Variants in PDZRN4 observed in about 807,000 individuals in gnomAD.
PDZRN4 encodes the protein PDZ domain-containing RING finger protein 4.
PDZRN4 carries 70 observed loss-of-function variants against 99.0 expected under a neutral mutation model. That is an observed-to-expected ratio of 0.71 (90% CI 0.58 to 0.86). PDZRN4 has a LOEUF of 0.86. PDZRN4 is among the 40% of genes least tolerant of loss of function. The pLI is 0.00. For missense variants in PDZRN4, 1,474 were observed against 1,331.2 expected (o/e 1.11, Z -1.67); for synonymous variants, 551 against 501.6 (o/e 1.10, Z -1.32).
At position 41,573,233 on chromosome 12, in the gene PDZRN4, T is replaced by C. The variant is rs1194191621; in HGVS notation, c.2454T>C (p.Asp818=). The part of the protein sequence containing the change: ...EKVLEGSKLP[D]QEKAVSEHIP... ...TTTTAGAAGGCAGCAAGCTTCCTGA[T>C]CAAGAGAAGGCAGTCAGCGAACACA... is the stretch of plus-strand genomic sequence containing the variant. Residue 818 remains aspartate, a synonymous_variant, in exon 10 of 10, where the codon GAT becomes GAC. Transcript: ENST00000402685. 18 of 1,613,972 alleles carry C rather than the reference T, an allele frequency of 1.1e-5. No individual in the cohort carries two copies. Among genetic ancestry groups the C allele is most frequent in the Non-Finnish European group, 1.4e-5 (17 of 1,180,022 alleles).
At chr12:41,440,672 G>C (rs1952671437) in intron 3 of PDZRN4, among the ~76,000 whole-genome samples, 1 of 152,166 alleles carries the variant, frequency 6.6e-6, no homozygotes, top group Non-Finnish European at 1.5e-5. Flanking sequence ...TCAGGCTCCA[G>C]TATGCACACA....
chr12:41,555,423 GA>G (rs1939140438), intron 6 of PDZRN4, among the ~76,000 whole-genome samples: 1 of 151,366 alleles, frequency 6.6e-6, no homozygotes, highest in Admixed American at 6.6e-5. Flanking sequence ...AGAATGAAGG[GA>G]AAAAGGAAAG....
intron 3 of PDZRN4, among the ~76,000 whole-genome samples, chr12:41,295,375 A>G (rs6582303): frequency 0.012 from 1,888 of 152,298 alleles, 39 homozygotes; most frequent in African/African-American, 0.043. Flanking sequence ...CAAAGAAAAT[A>G]TAAATTGATT....
intron 5 of PDZRN4, among the ~76,000 whole-genome samples, chr12:41,513,905 T>C (rs1191823039): frequency 1.3e-5 from 2 of 152,142 alleles, no homozygotes; most frequent in East Asian, 3.9e-4. Context: ...ACACGAAAAA[T>C]TTAGATAGTA....
chr12:41,325,902 T>G (rs1951706370), intron 3 of PDZRN4, among the ~76,000 whole-genome samples: 1 of 152,198 alleles, frequency 6.6e-6, no homozygotes, highest in African/African-American at 2.4e-5. Context: ...CCTTCCAGAA[T>G]AATTCCATTG....
At chr12:41,527,825 G>A (rs1028547006) in intron 5 of PDZRN4, among the ~76,000 whole-genome samples, 2 of 152,182 alleles carry the variant, frequency 1.3e-5, no homozygotes, top group Non-Finnish European at 2.9e-5. Context: ...AGCATTTGCA[G>A]CCTGTTTACC....
intron 3 of PDZRN4, among the ~76,000 whole-genome samples, chr12:41,496,652 T>C (rs1334494500): frequency 6.6e-6 from 1 of 152,098 alleles, no homozygotes; most frequent in Middle Eastern, 3.2e-3. Flanking sequence ...AAAGGAATAA[T>C]GTGGACAACT....
At chr12:41,553,440 G>T (rs1565613394) in intron 6 of PDZRN4, among the ~76,000 whole-genome samples, 2 of 152,082 alleles carry the variant, frequency 1.3e-5, no homozygotes, top group South Asian at 2.1e-4. Context: ...TTAAGGCTGG[G>T]CACAGTGGCT....
At chr12:41,438,779 T>G (rs1310660266) in intron 3 of PDZRN4, among the ~76,000 whole-genome samples, 1 of 152,244 alleles carries the variant, frequency 6.6e-6, no homozygotes, top group African/African-American at 2.4e-5. Context: ...AGAATTTTCT[T>G]AACTTACTGT....
At chr12:41,490,186 G>T (rs1214407626) in intron 3 of PDZRN4, among the ~76,000 whole-genome samples, 1 of 152,270 alleles carries the variant, frequency 6.6e-6, no homozygotes, top group Non-Finnish European at 1.5e-5. Flanking sequence ...ATAAATTGCA[G>T]ATATCAAGAC....
In PDZRN4 at chr12:41,385,844, C is replaced by G. The variant is rs560094453; in HGVS notation, c.844-120612C>G. 6.9e-4 allele frequency among the ~76,000 whole-genome samples: 105 copies of G among 152,238 alleles called. 3 individuals carry two copies. Among genetic ancestry groups the G allele is most frequent in the African/African-American group, 2.0e-3 (83 of 41,538 alleles). On this transcript the variant is annotated intron_variant, in intron 3 of 9. Coordinates refer to ENST00000402685, the MANE Select transcript of PDZRN4 (RefSeq NM_001164595.2). ...GCTAGCATCATCCTGATACCAAAAC[C>G]TGGCAGAGGTACAACAAAAAAAGAA...
chr12:41,336,999 C>T (rs1949948), intron 3 of PDZRN4, among the ~76,000 whole-genome samples: 58,448 of 151,946 alleles, frequency 0.38, 11,332 homozygotes, highest in African/African-American at 0.41. Context: ...GACCCCTAAA[C>T]TGTAATTTCT....
At chr12:41,459,814 C>T (rs1592068231) in intron 3 of PDZRN4, 1 of 506,374 alleles carries the variant, frequency 2.0e-6, no homozygotes, top group Non-Finnish European at 3.1e-6. Context: ...GACAGCATAG[C>T]CCTGCATCAT....
intron 3 of PDZRN4, among the ~76,000 whole-genome samples, chr12:41,317,947 T>A (rs183593391): frequency 5.1e-4 from 77 of 152,280 alleles, no homozygotes; most frequent in African/African-American, 1.8e-3. Context: ...GTTTTGTAAG[T>A]TGAAAAAAAC....
chr12:41,394,309 C>T (rs1290350293), intron 3 of PDZRN4, among the ~76,000 whole-genome samples: 1 of 152,128 alleles, frequency 6.6e-6, no homozygotes, highest in Admixed American at 6.6e-5. Context: ...TGGGAGGATA[C>T]TTATATTCGG....
At chr12:41,311,960 T>G (rs1474662076) in intron 3 of PDZRN4, among the ~76,000 whole-genome samples, 4 of 152,176 alleles carry the variant, frequency 2.6e-5, no homozygotes, top group Non-Finnish European at 4.4e-5. Flanking sequence ...CAAAACAACG[T>G]TCATCGCTGC....
intron 3 of PDZRN4, among the ~76,000 whole-genome samples, chr12:41,315,733 G>A (rs1292969109): frequency 6.6e-6 from 1 of 152,180 alleles, no homozygotes; most frequent in Non-Finnish European, 1.5e-5. Flanking sequence ...TAAGTACTAT[G>A]TAGGTAAATT....
At position 41,308,420 on chromosome 12, in the gene PDZRN4, C is replaced by T. The variant is rs550394518; in HGVS notation, c.843+114232C>T. The stretch of plus-strand genomic sequence containing the variant: ...ATGTATAATTCTCACTTTTTTATAT[C>T]GCATTATTCATATGTGTAAAAAATG... On this transcript the variant is annotated intron_variant, in intron 3 of 9. Transcript: ENST00000402685. 3.9e-5 allele frequency among the ~76,000 whole-genome samples: 6 copies of T among 152,114 alleles called. No homozygotes were observed. The East Asian group carries it at 7.7e-4, about 20-fold the overall frequency.
intron 5 of PDZRN4, among the ~76,000 whole-genome samples, chr12:41,517,806 C>T (rs1471381066): frequency 6.6e-6 from 1 of 151,876 alleles, no homozygotes; most frequent in Non-Finnish European, 1.5e-5. Flanking sequence ...TTAGTTGTTA[C>T]AGAGAAAGCC....
Sources: allele counts gnomAD v4.1 joint callset (sites outside exome capture counted in the v4.1 genomes callset), GRCh38; gene constraint gnomAD v4.1.1; transcripts MANE v1.5; gene names NCBI Gene and HGNC (gene_info 2026-07-23, HGNC 2026-07-21).